CHN1: variants seen among roughly 807,000 people sequenced by gnomAD.
The protein encoded by CHN1 is N-chimaerin.
Under a neutral mutation model 59.5 loss-of-function variants are expected in CHN1, and 37 were observed. The ratio of observed to expected loss-of-function variants is 0.62; its 90% CI spans 0.48 to 0.82. The LOEUF (loss-of-function observed/expected upper bound fraction) is 0.82. CHN1 is among the 40% of genes least tolerant of loss of function. The pLI is 0.00. For missense variants in CHN1, 469 were observed against 571.0 expected (o/e 0.82, Z 1.82); for synonymous variants, 206 against 200.4 (o/e 1.03, Z -0.24).
chr2:174,887,400 TTTAATAATAC>T (rs1191836094), intron 5 of CHN1, among the ~76,000 whole-genome samples: 2 of 152,200 alleles, frequency 1.3e-5, no homozygotes, highest in Non-Finnish European at 2.9e-5. Context: ...CTGTGTTTAT[TTTAATAATAC>T]TATCTAATAC....
chr2:174,847,106 C>G, intron 6 of CHN1, 149 bp from the exon 7 acceptor site: 2 of 1,551,438 alleles, frequency 1.3e-6, no homozygotes, highest in South Asian at 2.4e-5. Flanking sequence ...AGTTTTCCTC[C>G]CTGACCAAGA....
At chr2:174,969,005 T>C (rs752157504) in intron 1 of CHN1, among the ~76,000 whole-genome samples, 10 of 152,320 alleles carry the variant, frequency 6.6e-5, no homozygotes, top group Middle Eastern at 6.8e-3. Flanking sequence ...TGTGTGATTA[T>C]AGAGTAATGC....
At chr2:174,871,857 TTTCCTTGC>T (rs1372979201) in intron 6 of CHN1, among the ~76,000 whole-genome samples, 1 of 152,198 alleles carries the variant, frequency 6.6e-6, no homozygotes, top group African/African-American at 2.4e-5. Flanking sequence ...CCCTAGCCTG[TTTCCTTGC>T]AAATGGGAGG....
At chr2:174,922,135 T>C (rs1689034217) in intron 3 of CHN1, among the ~76,000 whole-genome samples, 1 of 152,198 alleles carries the variant, frequency 6.6e-6, no homozygotes. Flanking sequence ...CTAGTTTTAG[T>C]ACAGAGCTTA....
At chr2:174,897,592 C>CA (rs1298635670) in intron 5 of CHN1, among the ~76,000 whole-genome samples, 17 of 151,232 alleles carry the variant, frequency 1.1e-4, no homozygotes, top group Admixed American at 1.1e-3. Flanking sequence ...TGTAGTAGAT[C>CA]AAAAAAACAG....
chr2:174,953,447 G>C (rs888576496), intron 1 of CHN1, among the ~76,000 whole-genome samples: 1 of 152,182 alleles, frequency 6.6e-6, no homozygotes, highest in Admixed American at 6.5e-5. Context: ...TGCTTCAAGA[G>C]AAAGAAATAA....
At chr2:174,811,703 A>G (rs1685079848) in intron 9 of CHN1, 115 bp from the exon 10 acceptor site, 1 of 605,322 alleles carries the variant, frequency 1.7e-6, no homozygotes, top group Non-Finnish European at 2.9e-6. Flanking sequence ...ACATGTTTAG[A>G]AATCTTTTCA....
chr2:174,834,770 T>C (rs925573891), intron 7 of CHN1, among the ~76,000 whole-genome samples: 2 of 152,230 alleles, frequency 1.3e-5, no homozygotes, highest in Non-Finnish European at 2.9e-5. Flanking sequence ...TCCTCGAAGA[T>C]ATTAACAGAG....
intron 5 of CHN1, among the ~76,000 whole-genome samples, chr2:174,914,155 G>A (rs1476653967): frequency 6.6e-6 from 1 of 152,186 alleles, no homozygotes; most frequent in Non-Finnish European, 1.5e-5. Flanking sequence ...TAAAATGGGG[G>A]TAATAACAAT....
intron 6 of CHN1, among the ~76,000 whole-genome samples, chr2:174,854,336 G>A (rs1054601826): frequency 2.6e-5 from 4 of 152,056 alleles, no homozygotes; most frequent in African/African-American, 4.8e-5. Context: ...AAGGTAAGGG[G>A]TGGGGTAGAG....
At chr2:174,941,910 T>C (rs1689677982) in intron 3 of CHN1, among the ~76,000 whole-genome samples, 1 of 152,092 alleles carries the variant, frequency 6.6e-6, no homozygotes, top group Non-Finnish European at 1.5e-5. Context: ...AAGAAGTATA[T>C]GAAAAAACGC....
chr2:174,969,530 T>G (rs185097658), intron 1 of CHN1, among the ~76,000 whole-genome samples: 1 of 152,186 alleles, frequency 6.6e-6, no homozygotes. Context: ...TCCTCTGCCA[T>G]TCATCAGACA....
intron 5 of CHN1, among the ~76,000 whole-genome samples, chr2:174,902,292 C>T (rs1297533413): frequency 6.6e-6 from 1 of 152,064 alleles, no homozygotes; most frequent in African/African-American, 2.4e-5. Flanking sequence ...CTAGCCATTT[C>T]CTACTGTGTC....
At chr2:174,835,568 T>G (rs1313988828) in intron 7 of CHN1, among the ~76,000 whole-genome samples, 1 of 151,860 alleles carries the variant, frequency 6.6e-6, no homozygotes, top group African/African-American at 2.4e-5. Context: ...ACTGATGTTG[T>G]GTTCATTTTT....
intron 6 of CHN1, 169 bp from the exon 7 acceptor site, chr2:174,847,126 T>A: frequency 6.5e-7 from 1 of 1,547,972 alleles, no homozygotes; most frequent in East Asian, 2.4e-5. Flanking sequence ...ACTCTTTGGA[T>A]GGCATTTTGG....
chr2:174,952,594 T>C (rs1558995358), intron 1 of CHN1, among the ~76,000 whole-genome samples: 2 of 152,342 alleles, frequency 1.3e-5, no homozygotes, highest in Non-Finnish European at 2.9e-5. Flanking sequence ...ACCAGATTAA[T>C]CATTTTAATC....
At chr2:174,886,890 A>G (rs1053686780) in intron 5 of CHN1, among the ~76,000 whole-genome samples, 4 of 152,300 alleles carry the variant, frequency 2.6e-5, no homozygotes, top group African/African-American at 4.8e-5. Context: ...TTCCATTGCA[A>G]GTGCACAATT....
intron 3 of CHN1, among the ~76,000 whole-genome samples, chr2:174,930,030 T>C (rs368760705): frequency 3.7e-4 from 57 of 152,346 alleles, no homozygotes; most frequent in African/African-American, 1.3e-3. Context: ...TGGATGCGTA[T>C]AGTTTATCTT....
At chr2:174,986,435 T>A (rs1691342855) in intron 1 of CHN1, among the ~76,000 whole-genome samples, 1 of 152,178 alleles carries the variant, frequency 6.6e-6, no homozygotes, top group Admixed American at 6.5e-5. Context: ...GATTAAGAGT[T>A]AAGATACATA....
Sources: gnomAD v4.1 joint callset for allele counts (sites outside exome capture counted in the v4.1 genomes callset) on GRCh38, gnomAD v4.1.1 for gene constraint, MANE v1.5 for transcripts, NCBI Gene and HGNC (gene_info 2026-07-23, HGNC 2026-07-21) for gene names.